The following KAZN variants were observed in gnomAD, a reference collection of about 807,000 sequenced individuals.
KAZN encodes kazrin, periplakin interacting protein.
A neutral mutation model predicts 87.4 loss-of-function variants in KAZN; 40 were observed. The ratio of observed to expected loss-of-function variants is 0.46; its 90% confidence interval spans 0.36 to 0.60. KAZN has a LOEUF of 0.60. Among genes scored for constraint, KAZN ranks in the 20% least tolerant of loss-of-function variants. The probability of loss-of-function intolerance (pLI) is 0.00; values close to 1 mark genes in which losing one functional copy is unlikely to be tolerated. For missense variants in KAZN, 898 were observed against 1,073.9 expected (o/e 0.84, Z 2.29); for synonymous variants, 466 against 458.3 (o/e 1.02, Z -0.22).
intron 2 of KAZN, among the ~76,000 whole-genome samples, chr1:14,271,911 G>T (rs140026781): frequency 2.0e-5 from 3 of 152,188 alleles, no homozygotes; most frequent in Non-Finnish European, 4.4e-5. Flanking sequence ...GGACTATAGC[G>T]TGAAGGCACA....
At chr1:14,355,717 G>T (rs111664186) in intron 2 of KAZN, among the ~76,000 whole-genome samples, 17,905 of 152,106 alleles carry the variant, frequency 0.12, 1,203 homozygotes, top group East Asian at 0.25. Flanking sequence ...TGCTGAGAAT[G>T]ATGGTTTCCA....
intron 1 of KAZN, among the ~76,000 whole-genome samples, chr1:14,765,376 T>C (rs766795440): frequency 2.0e-5 from 3 of 152,230 alleles, no homozygotes; most frequent in Non-Finnish European, 2.9e-5. Flanking sequence ...GGCCATCAGC[T>C]GGCCCGGCAG....
intron 1 of KAZN, among the ~76,000 whole-genome samples, chr1:14,762,785 A>C (rs570567726): frequency 5.3e-5 from 8 of 151,984 alleles, no homozygotes; most frequent in African/African-American, 1.9e-4. Context: ...TCCACCCCAC[A>C]GGGGCCATGG....
At chr1:14,278,279 T>C (rs1313941388) in intron 2 of KAZN, among the ~76,000 whole-genome samples, 2 of 150,632 alleles carry the variant, frequency 1.3e-5, no homozygotes, top group African/African-American at 4.9e-5. Flanking sequence ...ACCTGAAAAT[T>C]AGCACTGATT....
intron 2 of KAZN, among the ~76,000 whole-genome samples, chr1:14,334,677 TGGGCTG>T (rs1237527970): frequency 1.3e-5 from 2 of 152,202 alleles, no homozygotes; most frequent in Non-Finnish European, 2.9e-5. Flanking sequence ...AGCTGAAGGC[TGGGCTG>T]GGGCTGGGGC....
intron 1 of KAZN, among the ~76,000 whole-genome samples, chr1:14,052,710 G>A (rs1439044943): frequency 6.6e-6 from 1 of 152,186 alleles, no homozygotes; most frequent in Non-Finnish European, 1.5e-5. Flanking sequence ...AAAGGAGACT[G>A]AGAAGTTAAG....
chr1:13,923,290 A>T (rs1640132144), intron 1 of KAZN, among the ~76,000 whole-genome samples: 1 of 152,206 alleles, frequency 6.6e-6, no homozygotes, highest in Non-Finnish European at 1.5e-5. Flanking sequence ...TATAATTACC[A>T]TGGCTGGGGG....
chr1:14,482,708 T>C (rs1669147898), intron 2 of KAZN, among the ~76,000 whole-genome samples: 1 of 152,022 alleles, frequency 6.6e-6, no homozygotes, highest in South Asian at 2.1e-4. Context: ...GTGGTAGAGA[T>C]TCAGGAGAAC....
At chr1:14,990,402 T>C (rs1667238304) in intron 2 of KAZN, among the ~76,000 whole-genome samples, 1 of 152,132 alleles carries the variant, frequency 6.6e-6, no homozygotes, top group African/African-American at 2.4e-5. Context: ...TTTTGTATTT[T>C]GTATGGAGAT....
chr1:14,713,234 T>C (rs1209578289), intron 1 of KAZN, among the ~76,000 whole-genome samples: 1 of 127,994 alleles, frequency 7.8e-6, no homozygotes, highest in Non-Finnish European at 1.8e-5. Flanking sequence ...CAAGCTTAAT[T>C]GCACAAGCGC....
chr1:13,989,384 G>A (rs144325089), intron 1 of KAZN, among the ~76,000 whole-genome samples: 1 of 152,214 alleles, frequency 6.6e-6, no homozygotes, highest in East Asian at 1.9e-4. Flanking sequence ...CCTAAACCTG[G>A]AGGGCTTTAC....
At chr1:14,345,503 C>T (rs1658042523) in intron 2 of KAZN, among the ~76,000 whole-genome samples, 1 of 152,144 alleles carries the variant, frequency 6.6e-6, no homozygotes, top group Admixed American at 6.5e-5. Context: ...AAAATATAAT[C>T]GTATCAACTC....
At chr1:14,094,167 C>T (rs950076734) in intron 1 of KAZN, among the ~76,000 whole-genome samples, 14 of 151,922 alleles carry the variant, frequency 9.2e-5, no homozygotes, top group East Asian at 1.9e-4. Context: ...GAGTGAGAAA[C>T]GGGAGGGCAG....
intron 2 of KAZN, among the ~76,000 whole-genome samples, chr1:14,307,463 C>G (rs1261165371): frequency 6.6e-6 from 1 of 152,202 alleles, no homozygotes; most frequent in Admixed American, 6.5e-5. Context: ...ATGTCTACAC[C>G]TATGCTACAA....
At chr1:14,886,443 C>CAT (rs1557589630) in intron 1 of KAZN, among the ~76,000 whole-genome samples, 3 of 150,506 alleles carry the variant, frequency 2.0e-5, no homozygotes, top group African/African-American at 7.4e-5. Flanking sequence ...CACATACACA[C>CAT]ACACACACAC....
chr1:14,077,974 C>A (rs1643526080), intron 1 of KAZN, among the ~76,000 whole-genome samples: 1 of 152,234 alleles, frequency 6.6e-6, no homozygotes, highest in Admixed American at 6.5e-5. Context: ...AAGAAAGAAG[C>A]AACTCTGCTG....
chr1:14,929,367 G>T (rs1659537771), intron 1 of KAZN, among the ~76,000 whole-genome samples: 1 of 152,106 alleles, frequency 6.6e-6, no homozygotes, highest in Non-Finnish European at 1.5e-5. Context: ...CTCCATAATG[G>T]GCACCAAGCA....
chr1:14,480,976 TACAC>T (rs886171395), intron 2 of KAZN, among the ~76,000 whole-genome samples: 5 of 150,388 alleles, frequency 3.3e-5, no homozygotes, highest in Admixed American at 2.7e-4. Context: ...ATATTTATAT[TACAC>T]ACACAAGATG....
At chr1:13,952,659 C>T (rs77520477) in intron 1 of KAZN, among the ~76,000 whole-genome samples, 15 of 152,010 alleles carry the variant, frequency 9.9e-5, no homozygotes, top group African/African-American at 2.9e-4. Context: ...TATAAACCCC[C>T]GATCGCTTTC....
Sources: allele counts gnomAD v4.1 joint callset (sites outside exome capture counted in the v4.1 genomes callset), GRCh38; gene constraint gnomAD v4.1.1; transcripts MANE v1.5; gene names NCBI Gene and HGNC (gene_info 2026-07-23, HGNC 2026-07-21).